Variants in ELOVL6 observed in about 807,000 individuals in gnomAD.
ELOVL6 encodes the protein ELOVL fatty acid elongase 6.
ELOVL6 carries 8 observed loss-of-function variants against 31.7 expected under a neutral mutation model. The observed-to-expected ratio is 0.25, with a 90% CI of 0.15 to 0.45. ELOVL6 has a LOEUF of 0.45. Ranked by LOEUF, ELOVL6 falls within the 20% of genes least tolerant of loss-of-function variation. The probability of loss-of-function intolerance (pLI) is 1.00; values close to 1 mark genes in which losing one functional copy is unlikely to be tolerated. For synonymous variants in ELOVL6, 101 were observed against 117.7 expected, an observed-to-expected ratio of 0.86 and a Z score of 0.92; for missense variants, 126 against 326.4, an observed-to-expected ratio of 0.39 and a Z score of 4.73.
rs115124266 is a variant in ELOVL6, at chr4:110,141,490, G to C, written c.90-35862C>G. Among the ~76,000 whole-genome samples the C allele has an allele frequency of 8.5e-3, 1,298 of 152,088 alleles. 27 individuals carry two copies. The highest frequency in any genetic ancestry group is 0.029 in the African/African-American group (1,192 of 41,480). On this transcript the variant is annotated intron_variant, in intron 1 of 3. Coordinates refer to ENST00000302274, the MANE Select transcript of ELOVL6 (RefSeq NM_024090.3). ...TTCCCTGGGACCACACACTCAGAAAGGGGGTGTATCAGGAGATCTAGGGAC... is the reference window on the plus strand; with the variant it reads ...TTCCCTGGGACCACACACTCAGAAACGGGGTGTATCAGGAGATCTAGGGAC...
chr4:110,117,458 G>A (rs912857064), intron 1 of ELOVL6, among the ~76,000 whole-genome samples: 2 of 152,020 alleles, frequency 1.3e-5, no homozygotes, highest in African/African-American at 2.4e-5. Flanking sequence ...TGAGCAGTTC[G>A]ATTTAAAAGG....
intron 3 of ELOVL6, among the ~76,000 whole-genome samples, chr4:110,056,958 G>A (rs142162293): frequency 3.3e-5 from 5 of 152,142 alleles, no homozygotes; most frequent in East Asian, 1.9e-4. Flanking sequence ...CAAGATAGAA[G>A]ATGAAAATAT....
intron 3 of ELOVL6, among the ~76,000 whole-genome samples, chr4:110,052,485 T>C (rs1203138260): frequency 6.6e-6 from 1 of 152,184 alleles, no homozygotes; most frequent in Non-Finnish European, 1.5e-5. Flanking sequence ...TGAGGAGCAA[T>C]TGAAAATAAC....
intron 2 of ELOVL6, among the ~76,000 whole-genome samples, chr4:110,084,039 A>G (rs1370936343): frequency 1.8e-5 from 1 of 55,646 alleles, no homozygotes; most frequent in African/African-American, 8.1e-5. Context: ...TATATGGTAT[A>G]TAACACATGC....
At chr4:110,056,604 TTG>T (rs1754993954) in intron 3 of ELOVL6, among the ~76,000 whole-genome samples, 1 of 152,160 alleles carries the variant, frequency 6.6e-6, no homozygotes, top group Non-Finnish European at 1.5e-5. Context: ...TATGAAGAAT[TTG>T]TGTTACTAAT....
At chr4:110,179,949 C>A (rs150824804) in intron 1 of ELOVL6, among the ~76,000 whole-genome samples, 1 of 152,254 alleles carries the variant, frequency 6.6e-6, no homozygotes, top group South Asian at 2.1e-4. Flanking sequence ...ACTCCCTATT[C>A]CTCATCCCTC....
At chr4:110,111,840 C>T (rs1312595029) in intron 1 of ELOVL6, among the ~76,000 whole-genome samples, 1 of 152,076 alleles carries the variant, frequency 6.6e-6, no homozygotes. Flanking sequence ...TTTGGAGATG[C>T]GGGCTAAAGT....
chr4:110,078,803 T>C (rs1203449909), intron 2 of ELOVL6, among the ~76,000 whole-genome samples: 1 of 152,150 alleles, frequency 6.6e-6, no homozygotes, highest in East Asian at 1.9e-4. Context: ...GCAAATTGGA[T>C]AAGGAGTCAA....
intron 1 of ELOVL6, among the ~76,000 whole-genome samples, chr4:110,131,627 A>T (rs868183313): frequency 6.6e-6 from 1 of 152,204 alleles, no homozygotes. Context: ...AAAAAATTTT[A>T]AAAACTAAAG....
intron 1 of ELOVL6, among the ~76,000 whole-genome samples, chr4:110,193,723 A>G (rs1759694410): frequency 6.6e-6 from 1 of 152,206 alleles, no homozygotes; most frequent in South Asian, 2.1e-4. Context: ...TTCCTATACT[A>G]TCTTATAGAC....
intron 1 of ELOVL6, among the ~76,000 whole-genome samples, chr4:110,148,854 T>C (rs959041303): frequency 1.3e-5 from 2 of 152,166 alleles, no homozygotes; most frequent in Admixed American, 6.5e-5. Flanking sequence ...TGAACGCTTA[T>C]ATACTTTTTG....
chr4:110,181,374 G>A (rs1189028814), intron 1 of ELOVL6, among the ~76,000 whole-genome samples: 1 of 152,090 alleles, frequency 6.6e-6, no homozygotes, highest in East Asian at 1.9e-4. Context: ...CCAGAGCCCG[G>A]GAGGTTGAGG....
intron 2 of ELOVL6, among the ~76,000 whole-genome samples, chr4:110,084,148 T>TATATATAACATATATGTGATATATATG (rs1560814261): frequency 1.3e-5 from 1 of 78,666 alleles, no homozygotes; most frequent in African/African-American, 7.2e-5. Flanking sequence ...ATATATATGA[T>TATATATAACATATATGTGATATATATG]ATATATAACA....
intron 2 of ELOVL6, among the ~76,000 whole-genome samples, chr4:110,081,567 C>T (rs190877552): frequency 0.014 from 2,086 of 151,548 alleles, 34 homozygotes; most frequent in Non-Finnish European, 0.017. Flanking sequence ...TGGATCCCTT[C>T]CTTACACCTT....
At chr4:110,074,397 C>T (rs1383913374) in intron 2 of ELOVL6, among the ~76,000 whole-genome samples, 9 of 152,164 alleles carry the variant, frequency 5.9e-5, no homozygotes, top group African/African-American at 2.2e-4. Flanking sequence ...GGAGGGCTGA[C>T]TGTAATTTCA....
At chr4:110,067,693 C>T (rs1755344473) in intron 2 of ELOVL6, among the ~76,000 whole-genome samples, 1 of 152,162 alleles carries the variant, frequency 6.6e-6, no homozygotes, top group Non-Finnish European at 1.5e-5. Flanking sequence ...CATCAAGATG[C>T]ACGATTAAGT....
chr4:110,123,882 T>C (rs1757420852), intron 1 of ELOVL6, among the ~76,000 whole-genome samples: 1 of 152,226 alleles, frequency 6.6e-6, no homozygotes, highest in Non-Finnish European at 1.5e-5. Context: ...TGCATAGTCA[T>C]AAATATCATT....
At chr4:110,079,122 C>T (rs1255062026) in intron 2 of ELOVL6, among the ~76,000 whole-genome samples, 5 of 152,206 alleles carry the variant, frequency 3.3e-5, no homozygotes, top group Non-Finnish European at 7.3e-5. Flanking sequence ...GAGACTTAGA[C>T]TCCCACACAA....
rs532570358 is a variant in ELOVL6, at chr4:110,129,223, C to T, written c.90-23595G>A. 3.3e-5 allele frequency among the ~76,000 whole-genome samples: 5 copies of T among 151,286 alleles called. No individual in the cohort carries two copies. The South Asian group carries it at 1.0e-3, about 32-fold the overall frequency. ...ATAATTGTTATTGTTTTATATATTTCTGTTATTGTTTTATATATTTCTCAA... is the reference window on the plus strand; with the variant it reads ...ATAATTGTTATTGTTTTATATATTTTTGTTATTGTTTTATATATTTCTCAA... On this transcript the variant is annotated intron_variant, in intron 1 of 3. Coordinates refer to ENST00000302274, the MANE Select transcript of ELOVL6 (RefSeq NM_024090.3).
Sources: allele counts gnomAD v4.1 joint callset (sites outside exome capture counted in the v4.1 genomes callset), GRCh38; gene constraint gnomAD v4.1.1; transcripts MANE v1.5; gene names NCBI Gene and HGNC (gene_info 2026-07-23, HGNC 2026-07-21).